The following AFF2 variants were observed in gnomAD, a reference collection of about 807,000 sequenced individuals.
AFF2 encodes the protein AF4/FMR2 family member 2.
In AFF2, 14 loss-of-function variants were observed where a neutral mutation model predicts 76.9. That is an observed-to-expected ratio of 0.18 (90% CI 0.12 to 0.28). The LOEUF (loss-of-function observed/expected upper bound fraction) is 0.28, where lower values mean the gene tolerates loss of function less well. AFF2 is among the 10% of genes least tolerant of loss of function. The probability of loss-of-function intolerance (pLI) is 1.00; values close to 1 mark genes in which losing one functional copy is unlikely to be tolerated. For synonymous variants in AFF2, 398 were observed against 366.7 expected, an observed-to-expected ratio of 1.09 and a Z score of -0.98; for missense variants, 868 against 1,001.1, an observed-to-expected ratio of 0.87 and a Z score of 1.79.
At chrX:148,841,868 T>C (rs781838330) in intron 5 of AFF2, among the ~76,000 whole-genome samples, 1 of 112,032 alleles carries the variant, frequency 8.9e-6, no homozygotes, top group Admixed American at 9.5e-5. Context: ...AAGAGGCCTT[T>C]TCTGCCTCTT....
At chrX:148,610,107 GA>G (rs2053712682) in intron 1 of AFF2, among the ~76,000 whole-genome samples, 1 of 111,771 alleles carries the variant, frequency 8.9e-6, no homozygotes, top group South Asian at 3.8e-4. Context: ...TAAGAATTAG[GA>G]ATTGCCCATG....
chrX:148,529,596 T>G (rs192388054), intron 1 of AFF2, among the ~76,000 whole-genome samples: 19 of 112,080 alleles, frequency 1.7e-4, no homozygotes, highest in Non-Finnish European at 3.4e-4. Context: ...TGGTTTCTGA[T>G]GCAACATGAT....
intron 3 of AFF2, among the ~76,000 whole-genome samples, chrX:148,805,974 A>G (rs1208552207): frequency 8.9e-6 from 1 of 112,494 alleles, no homozygotes; most frequent in Non-Finnish European, 1.9e-5. Context: ...GGGAATGAGA[A>G]AGGACGCTGC....
chrX:148,894,896 G>GATAT lies in AFF2; in HGVS notation c.1359+8923_1359+8926dup, dbSNP rs1160152462. Among the ~76,000 whole-genome samples the GATAT allele has an allele frequency of 5.6e-5, 6 of 107,959 alleles. 1 individual carries two copies. The highest frequency in any genetic ancestry group is 3.0e-4 in the Admixed American group (3 of 10,132). 93.7% of individuals were successfully genotyped at this position (107,959 alleles called of 115,157 possible). ...AAATGGTTAAAATGTGAGATAGATA[G>GATAT]ATATATATATATATACACAAAATTG... On this transcript the variant is annotated intron_variant, in intron 8 of 20. Transcript: ENST00000370460.
At chrX:148,933,475 G>A (rs1557284624) in intron 9 of AFF2, among the ~76,000 whole-genome samples, 1 of 111,561 alleles carries the variant, frequency 9.0e-6, no homozygotes, top group African/African-American at 3.3e-5. Flanking sequence ...AGGGAGCAGG[G>A]GTAGAAACAG....
chrX:148,861,066 A>G (rs1557276376), intron 7 of AFF2, among the ~76,000 whole-genome samples: 1 of 111,812 alleles, frequency 8.9e-6, no homozygotes. Flanking sequence ...AATTGTGTTT[A>G]TTTGTGGCCA....
chrX:148,968,988 A>C (rs931636966), intron 15 of AFF2, among the ~76,000 whole-genome samples: 2 of 112,733 alleles, frequency 1.8e-5, no homozygotes, highest in Non-Finnish European at 3.7e-5. Flanking sequence ...AGGGTTTGCC[A>C]TCTGTCAAAG....
intron 1 of AFF2, among the ~76,000 whole-genome samples, chrX:148,515,480 C>G (rs2052525282): frequency 1.8e-5 from 2 of 112,118 alleles, no homozygotes; most frequent in Admixed American, 9.4e-5. Flanking sequence ...GATAAGCAAG[C>G]CTTCTTAGCT....
intron 14 of AFF2, among the ~76,000 whole-genome samples, chrX:148,967,375 T>A (rs2072193396): frequency 8.9e-6 from 1 of 112,266 alleles, no homozygotes; most frequent in Non-Finnish European, 1.9e-5. Flanking sequence ...AGCTAGGTTT[T>A]GTTTGATCTA....
intron 3 of AFF2, among the ~76,000 whole-genome samples, chrX:148,742,696 G>A (rs782379396): frequency 1.8e-5 from 2 of 111,739 alleles, no homozygotes; most frequent in Admixed American, 1.9e-4. Flanking sequence ...ATTTAAGAAC[G>A]ATATTTGCTG....
intron 3 of AFF2, among the ~76,000 whole-genome samples, chrX:148,722,306 A>G (rs191436019): frequency 1.3e-3 from 140 of 111,586 alleles, no homozygotes; most frequent in Non-Finnish European, 2.3e-3. Context: ...CCCAGTGAGC[A>G]TGGTGGGTAG....
chrX:148,802,688 T>C (rs782812971), intron 3 of AFF2, among the ~76,000 whole-genome samples: 2 of 111,560 alleles, frequency 1.8e-5, no homozygotes, highest in South Asian at 7.7e-4. Context: ...ATAACTACTG[T>C]TTCCTGTCAG....
At chrX:148,601,662 C>A (rs1019562406) in intron 1 of AFF2, among the ~76,000 whole-genome samples, 7 of 110,616 alleles carry the variant, frequency 6.3e-5, no homozygotes, top group African/African-American at 2.3e-4. Flanking sequence ...AAGGTTATAT[C>A]TTTAGTACCT....
At position 148,574,185 on chromosome X, in the gene AFF2, A is replaced by G. The variant is rs1347978107; in HGVS notation, c.47+73041A>G. Among the ~76,000 whole-genome samples, 3 of 111,680 alleles carry G rather than the reference A, an allele frequency of 2.7e-5. No individual in the cohort carries two copies. In the East Asian group the frequency reaches 8.5e-4, roughly 31 times the overall value. On this transcript the variant is annotated intron_variant, in intron 1 of 20. Transcript: ENST00000370460. ...TTTTATTGTCTGAGTCATGGAAATCAGTAATCCTTGTCTATAGTGTACTGA... is the reference window on the plus strand; with the variant it reads ...TTTTATTGTCTGAGTCATGGAAATCGGTAATCCTTGTCTATAGTGTACTGA...
At chrX:148,709,472 G>C (rs1453143265) in intron 3 of AFF2, among the ~76,000 whole-genome samples, 1 of 112,005 alleles carries the variant, frequency 8.9e-6, no homozygotes, top group Admixed American at 9.5e-5. Context: ...TATGTTATTT[G>C]TCACCTCTGC....
intron 9 of AFF2, among the ~76,000 whole-genome samples, chrX:148,908,436 C>G (rs1439152056): frequency 8.9e-6 from 1 of 112,071 alleles, no homozygotes; most frequent in Non-Finnish European, 1.9e-5. Context: ...TTATGTTCTT[C>G]TACCATGGCT....
intron 7 of AFF2, among the ~76,000 whole-genome samples, chrX:148,856,990 T>C (rs942596065): frequency 8.9e-6 from 1 of 112,325 alleles, no homozygotes; most frequent in Non-Finnish European, 1.9e-5. Flanking sequence ...AAAAAGACAC[T>C]TCAGACTCTG....
chrX:148,976,199 TG>T lies in AFF2; in HGVS notation c.3405-1733del, dbSNP rs1470718204. 5.4e-5 allele frequency among the ~76,000 whole-genome samples: 6 copies of T among 111,342 alleles called. No homozygotes were observed. The South Asian group carries it at 1.5e-3, about 28-fold the overall frequency. ...TTTTTAAACTTTATTTTGAGGTAAT[TG>T]TAGTTGCACATGCAGTTGTAAGAAC... is the stretch of plus-strand genomic sequence containing the variant. On this transcript the variant is annotated intron_variant, in intron 16 of 20. Transcript: ENST00000370460.
At chrX:148,700,347 A>G (rs1186832634) in intron 3 of AFF2, among the ~76,000 whole-genome samples, 2 of 109,640 alleles carry the variant, frequency 1.8e-5, no homozygotes, top group South Asian at 4.0e-4. Flanking sequence ...TGTGCCAGGC[A>G]CCCGAAGTGG....
Sources: gnomAD v4.1 joint callset for allele counts (sites outside exome capture counted in the v4.1 genomes callset) on GRCh38, gnomAD v4.1.1 for gene constraint, MANE v1.5 for transcripts, NCBI Gene and HGNC (gene_info 2026-07-23, HGNC 2026-07-21) for gene names.